The following MAK variants were observed in gnomAD, a reference collection of about 807,000 sequenced individuals.
MAK encodes male germ cell associated kinase.
MAK carries 65 observed loss-of-function variants against 82.6 expected under a neutral mutation model. That is an observed-to-expected ratio of 0.79 (90% CI 0.64 to 0.97). The LOEUF (loss-of-function observed/expected upper bound fraction) is 0.97, where lower values mean the gene tolerates loss of function less well. Ranked by LOEUF, MAK falls within the 50% of genes least tolerant of loss-of-function variation. The probability of loss-of-function intolerance (pLI) is 0.00; values close to 1 mark genes in which losing one functional copy is unlikely to be tolerated. For synonymous variants in MAK, 250 were observed against 274.2 expected, an observed-to-expected ratio of 0.91 and a Z score of 0.87; for missense variants, 703 against 780.2, an observed-to-expected ratio of 0.90 and a Z score of 1.18.
At chr6:10,808,654 G>A (rs1459447890) in intron 6 of MAK, among the ~76,000 whole-genome samples, 156 bp downstream of exon 6, 1 of 151,814 alleles carries the variant, frequency 6.6e-6, no homozygotes, top group Non-Finnish European at 1.5e-5. Context: ...GATCAGAATA[G>A]CAATAAACCA....
chr6:10,776,822 C>T lies in MAK; in HGVS notation c.1466-1363G>A, dbSNP rs1773490032. ...CAACTACCAGCTGGGTGCGGTGGCT[C>T]ATGCCTGTAATCCCAGCACTTTGGG... On this transcript the variant is annotated intron_variant, in intron 11 of 14. Transcript: ENST00000354489. This position sits in a 1 kb window ranked among gnomAD's most constrained non-coding sequence, Gnocchi z 4.3. 6.6e-6 allele frequency among the ~76,000 whole-genome samples: 1 copy of T among 152,148 alleles called. No individual in the cohort carries two copies. Among genetic ancestry groups the T allele is most frequent in the Non-Finnish European group, 1.5e-5 (1 of 68,040 alleles).
At chr6:10,775,267 T>C in intron 12 of MAK, 61 bp downstream of exon 12, 1 of 1,587,332 alleles carries the variant, frequency 6.3e-7, no homozygotes, top group Non-Finnish European at 8.6e-7. Context: ...TGCAATATAT[T>C]TAAAAGTAGA....
In MAK at chr6:10,803,544, C is replaced by CAA. The variant is rs34500831; in HGVS notation, c.663+174_663+175dup. 1.0e-3 allele frequency among the ~76,000 whole-genome samples: 139 copies of CAA among 135,410 alleles called. 1 individual carries two copies. The highest frequency in any genetic ancestry group is 1.5e-3 in the African/African-American group (54 of 37,198). 88.8% of individuals were successfully genotyped at this position (135,410 alleles called of 152,430 possible). On this transcript the variant is annotated intron_variant, in intron 7 of 14. Transcript: ENST00000354489. ...TGGGCAACAGAGCAAGACTCCATCT[C>CAA]AAAAAAAAAAAAAGAATTATAAGAA...
intron 5 of MAK, among the ~76,000 whole-genome samples, chr6:10,809,463 C>T (rs1042640528): frequency 1.3e-5 from 2 of 152,066 alleles, no homozygotes; most frequent in Non-Finnish European, 2.9e-5. Flanking sequence ...GTAGCTGGGA[C>T]CACAGGTGCA....
In MAK at chr6:10,811,108, C is replaced by T. The variant is rs562288622; in HGVS notation, c.359-2166G>A. The stretch of plus-strand genomic sequence containing the variant: ...CCGCCTCCCGGGTTCAAGCAATTCT[C>T]CTGCCTCAGCGTCCCAAGTAGCTGG... On this transcript the variant is annotated intron_variant, in intron 5 of 14. Transcript: ENST00000354489. Among the ~76,000 whole-genome samples the T allele has an allele frequency of 9.2e-5, 14 of 152,364 alleles. No individual in the cohort carries two copies. The East Asian group carries it at 9.6e-4, about 10-fold the overall frequency.
At chr6:10,790,335 C>G (rs1183003537) in intron 10 of MAK, among the ~76,000 whole-genome samples, 2 of 152,088 alleles carry the variant, frequency 1.3e-5, no homozygotes, top group Admixed American at 6.6e-5. Context: ...CATACTATGT[C>G]ATGCCAAATA....
intron 11 of MAK, among the ~76,000 whole-genome samples, chr6:10,778,168 A>G (rs560043159): frequency 1.1e-4 from 17 of 152,334 alleles, no homozygotes; most frequent in Middle Eastern, 3.4e-3. Flanking sequence ...CTGAGCACCT[A>G]CCAGTGCCAG....
At chr6:10,784,342 C>T (rs1774310134) in intron 11 of MAK, 82 bp downstream of exon 11, 2 of 1,512,370 alleles carry the variant, frequency 1.3e-6, no homozygotes, top group East Asian at 2.3e-5. Context: ...CACTGCTGCC[C>T]TTTCTTTGGA....
At chr6:10,765,553 G>A (rs1436749197) in intron 14 of MAK, among the ~76,000 whole-genome samples, 1 of 149,622 alleles carries the variant, frequency 6.7e-6, no homozygotes, top group African/African-American at 2.5e-5. Flanking sequence ...TCCACCTCCC[G>A]GGTTCAAGTG....
At chr6:10,764,683 C>CAG in intron 14 of MAK, 77 bp from the exon 15 acceptor site, 1 of 1,297,090 alleles carries the variant, frequency 7.7e-7, no homozygotes, top group East Asian at 2.3e-5. Flanking sequence ...TTCATCCTCT[C>CAG]ATTTGATGGG....
At chr6:10,788,779 C>G (rs990599712) in intron 10 of MAK, among the ~76,000 whole-genome samples, 12 of 152,188 alleles carry the variant, frequency 7.9e-5, no homozygotes, top group African/African-American at 2.9e-4. Context: ...CTCCCATATA[C>G]TACATCAGTG....
intron 2 of MAK, among the ~76,000 whole-genome samples, chr6:10,826,245 C>T (rs1463168651): frequency 6.7e-6 from 1 of 150,210 alleles, no homozygotes; most frequent in African/African-American, 2.5e-5. Context: ...TTTCCCCCCA[C>T]CCCCCCTTTT....
chr6:10,802,741 T>C (rs1455492913), intron 7 of MAK, among the ~76,000 whole-genome samples: 1 of 152,222 alleles, frequency 6.6e-6, no homozygotes, highest in East Asian at 1.9e-4. Flanking sequence ...ATCCTTGTCG[T>C]GTATATTACC....
chr6:10,806,388 G>C (rs985573871), intron 6 of MAK, among the ~76,000 whole-genome samples: 3 of 151,652 alleles, frequency 2.0e-5, no homozygotes, highest in East Asian at 1.9e-4. Context: ...GAGTGCAGTG[G>C]CGCGATCTTC....
chr6:10,829,865 C>T (rs1778648451), intron 2 of MAK, among the ~76,000 whole-genome samples: 1 of 151,290 alleles, frequency 6.6e-6, no homozygotes, highest in African/African-American at 2.4e-5. Context: ...GAGATGGAGT[C>T]TCCTTCTGTC....
intron 2 of MAK, among the ~76,000 whole-genome samples, chr6:10,822,889 A>G (rs537505497): frequency 6.6e-6 from 1 of 152,284 alleles, no homozygotes; most frequent in African/African-American, 2.4e-5. Flanking sequence ...TCATAAAGTA[A>G]ATAACTTTTT....
intron 11 of MAK, among the ~76,000 whole-genome samples, chr6:10,780,758 T>G (rs1469143102): frequency 6.6e-6 from 1 of 152,042 alleles, no homozygotes; most frequent in Admixed American, 6.6e-5. Context: ...AATGTACCAA[T>G]TTAAACAAAC....
In MAK at chr6:10,803,362, T is replaced by C. The variant is rs140171395; in HGVS notation, c.663+358A>G. Among the ~76,000 whole-genome samples the C allele has an allele frequency of 2.6e-4, 39 of 152,072 alleles. No homozygotes were observed. In the East Asian group the frequency reaches 7.6e-3, roughly 29 times the overall value. ...GAGTTCAAGACCAGCCTGGCCAACATGGTGAAATCTCCTCTCTACTAACAA... is the reference window on the plus strand; with the variant it reads ...GAGTTCAAGACCAGCCTGGCCAACACGGTGAAATCTCCTCTCTACTAACAA... On this transcript the variant is annotated intron_variant, in intron 7 of 14. Transcript: ENST00000354489.
At chr6:10,806,912 A>G (rs1581722128) in intron 6 of MAK, among the ~76,000 whole-genome samples, 1 of 152,264 alleles carries the variant, frequency 6.6e-6, no homozygotes, top group South Asian at 2.1e-4. Context: ...TCCTTTCTTT[A>G]CCAACTTCCC....
Sources: allele counts gnomAD v4.1 joint callset (sites outside exome capture counted in the v4.1 genomes callset), GRCh38; gene constraint gnomAD v4.1.1; non-coding constraint Gnocchi (gnomAD v3.1); transcripts MANE v1.5; gene names NCBI Gene and HGNC (gene_info 2026-07-23, HGNC 2026-07-21).